NMU: variants seen among roughly 807,000 people sequenced by gnomAD.
NMU encodes the protein neuromedin-U.
Under a neutral mutation model 35.4 loss-of-function variants are expected in NMU, and 29 were observed. The ratio of observed to expected loss-of-function variants is 0.82; its 90% CI spans 0.61 to 1.12. NMU has a LOEUF of 1.12. Among genes scored for constraint, NMU ranks in the 50% most tolerant of loss-of-function variants. The pLI is 0.00. For synonymous variants in NMU, 78 were observed against 81.3 expected (o/e 0.96, Z 0.22); for missense variants, 199 against 206.2 (o/e 0.97, Z 0.21).
At chr4:55,615,997 C>A (rs998925914) in intron 3 of NMU, among the ~76,000 whole-genome samples, 1 of 152,204 alleles carries the variant, frequency 6.6e-6, no homozygotes, top group Non-Finnish European at 1.5e-5. Flanking sequence ...GATCCTCCCA[C>A]CTGGGCCTCT....
intron 8 of NMU, 115 bp downstream of exon 8, chr4:55,600,407 T>G (rs938119129): frequency 1.4e-6 from 1 of 723,678 alleles, no homozygotes; most frequent in Non-Finnish European, 2.4e-6. Context: ...TAACACCTGA[T>G]GCCAAACATC....
At chr4:55,595,709 T>C (rs374425452) in intron 9 of NMU, among the ~76,000 whole-genome samples, 68 of 149,348 alleles carry the variant, frequency 4.6e-4, no homozygotes, top group African/African-American at 1.4e-3. Flanking sequence ...GGCGCGATCT[T>C]GGCTCACTGC....
chr4:55,619,939 C>T (rs1413275080), intron 2 of NMU, among the ~76,000 whole-genome samples: 2 of 144,320 alleles, frequency 1.4e-5, no homozygotes, highest in Non-Finnish European at 3.1e-5. Flanking sequence ...TTCCAACAGA[C>T]CTGCAGCTGA....
At chr4:55,609,083 AT>A in intron 4 of NMU, 36 bp downstream of exon 4, 1 of 1,571,864 alleles carries the variant, frequency 6.4e-7, no homozygotes, top group Non-Finnish European at 8.8e-7. Flanking sequence ...TTTTTGGATA[AT>A]TTTTGTCTAC....
chr4:55,614,097 T>A (rs754567206), intron 3 of NMU, among the ~76,000 whole-genome samples: 9 of 152,332 alleles, frequency 5.9e-5, no homozygotes, highest in Admixed American at 5.2e-4. Context: ...TGAATCTATC[T>A]CTTTTATATA....
chr4:55,613,607 G>C (rs568744588), intron 3 of NMU, among the ~76,000 whole-genome samples: 2 of 151,792 alleles, frequency 1.3e-5, no homozygotes, highest in African/African-American at 4.8e-5. Context: ...ATTGAATCAC[G>C]CCCCCCTGTA....
At chr4:55,604,679 A>ATTTTTTTATTTTTTTT (rs1733604441) in intron 7 of NMU, among the ~76,000 whole-genome samples, 1 of 47,612 alleles carries the variant, frequency 2.1e-5, no homozygotes, top group Non-Finnish European at 3.2e-5. Context: ...TGCCTGGCTA[A>ATTTTTTTATTTTTTTT]TTTTTTTTTT....
intron 7 of NMU, among the ~76,000 whole-genome samples, chr4:55,601,135 A>C (rs1201794258): frequency 6.6e-6 from 1 of 152,140 alleles, no homozygotes; most frequent in East Asian, 1.9e-4. Context: ...TTAATTTTTA[A>C]ATATCCAAAT....
intron 4 of NMU, among the ~76,000 whole-genome samples, chr4:55,608,630 A>C (rs548739475): frequency 1.3e-5 from 2 of 152,040 alleles, no homozygotes; most frequent in African/African-American, 4.8e-5. Flanking sequence ...ATCTACTCTC[A>C]CTCCAGGACA....
At chr4:55,607,896 C>A (rs572192252) in intron 4 of NMU, among the ~76,000 whole-genome samples, 1 of 152,088 alleles carries the variant, frequency 6.6e-6, no homozygotes, top group Non-Finnish European at 1.5e-5. Context: ...TTTAGCCGGG[C>A]GCGGTGGCTT....
At chr4:55,631,677 T>C (rs767853216) in intron 1 of NMU, among the ~76,000 whole-genome samples, 2 of 152,170 alleles carry the variant, frequency 1.3e-5, no homozygotes, top group Non-Finnish European at 2.9e-5. Context: ...GATGTTGGCA[T>C]GGATGTGTAA....
At chr4:55,619,890 C>G (rs957662670) in intron 2 of NMU, among the ~76,000 whole-genome samples, 1 of 128,086 alleles carries the variant, frequency 7.8e-6, no homozygotes, top group African/African-American at 2.7e-5. Flanking sequence ...GGGAGGCACC[C>G]CCCAGCAGGG....
At chr4:55,606,700 CAG>C (rs33915533) in intron 6 of NMU, among the ~76,000 whole-genome samples, 24,436 of 143,126 alleles carry the variant, frequency 0.17, 2,239 homozygotes, top group South Asian at 0.23. Flanking sequence ...TTTTTTGAGA[CAG>C]AGTATCGCTC....
intron 3 of NMU, 83 bp downstream of exon 3, chr4:55,616,255 T>G: frequency 1.1e-6 from 1 of 939,980 alleles, no homozygotes; most frequent in Non-Finnish European, 1.8e-6. Context: ...CACGAACACA[T>G]AAAGGTTCCA....
chr4:55,618,763 TCTC>T (rs1734227907), intron 2 of NMU, among the ~76,000 whole-genome samples: 1 of 62,778 alleles, frequency 1.6e-5, no homozygotes, highest in Non-Finnish European at 3.4e-5. Context: ...CTTTCTTCTC[TCTC>T]TTTCTTCTCT....
chr4:55,618,321 T>C (rs994417274), intron 2 of NMU, among the ~76,000 whole-genome samples: 5 of 152,140 alleles, frequency 3.3e-5, no homozygotes, highest in Non-Finnish European at 7.3e-5. Context: ...CATCTAGGTT[T>C]TAAGCCCCGC....
chr4:55,604,818 G>C (rs1464733392), intron 7 of NMU, among the ~76,000 whole-genome samples: 1 of 151,452 alleles, frequency 6.6e-6, no homozygotes, highest in Admixed American at 6.6e-5. Flanking sequence ...ACAGGTGTGA[G>C]CCACCAGGCC....
chr4:55,613,402 T>C (rs1445549601), intron 3 of NMU, among the ~76,000 whole-genome samples: 6 of 152,094 alleles, frequency 3.9e-5, no homozygotes, highest in Non-Finnish European at 7.4e-5. Context: ...AGCAAAGCAG[T>C]GATATGATGA....
intron 3 of NMU, among the ~76,000 whole-genome samples, chr4:55,613,671 C>A (rs760976920): frequency 6.6e-6 from 1 of 152,108 alleles, no homozygotes; most frequent in Non-Finnish European, 1.5e-5. Context: ...TGTGGCCCCC[C>A]ACATTGACTC....
Sources: gnomAD v4.1 joint callset for allele counts (sites outside exome capture counted in the v4.1 genomes callset) on GRCh38, gnomAD v4.1.1 for gene constraint, MANE v1.5 for transcripts, NCBI Gene and HGNC (gene_info 2026-07-23, HGNC 2026-07-21) for gene names.